CCDC60: variants seen among roughly 807,000 people sequenced by gnomAD.
The protein encoded by CCDC60 is coiled-coil domain containing 60.
In CCDC60, 54 loss-of-function variants were observed where a neutral mutation model predicts 63.5. The ratio of observed to expected loss-of-function variants is 0.85; its 90% CI spans 0.68 to 1.07. CCDC60 has a LOEUF of 1.07. CCDC60 is among the 50% of genes least tolerant of loss of function. CCDC60 has a pLI of 0.00. For missense variants in CCDC60, 651 were observed against 684.3 expected (o/e 0.95, Z 0.54); for synonymous variants, 206 against 238.8 (o/e 0.86, Z 1.27).
intron 1 of CCDC60, among the ~76,000 whole-genome samples, chr12:119,375,654 A>G (rs971040176): frequency 6.6e-6 from 1 of 152,228 alleles, no homozygotes; most frequent in African/African-American, 2.4e-5. Context: ...TCAGGGACTG[A>G]GAGACCAGAG....
chr12:119,490,918 T>A (rs1439125647), intron 5 of CCDC60, among the ~76,000 whole-genome samples: 1 of 152,246 alleles, frequency 6.6e-6, no homozygotes, highest in East Asian at 1.9e-4. Context: ...TTTATGCTTA[T>A]GGAAATCTTT....
chr12:119,469,868 G>C (rs371610369), intron 2 of CCDC60, among the ~76,000 whole-genome samples: 26 of 152,206 alleles, frequency 1.7e-4, no homozygotes, highest in African/African-American at 6.0e-4. Flanking sequence ...AATTGATCTA[G>C]CATATAACAG....
intron 7 of CCDC60, 92 bp from the exon 8 acceptor site, chr12:119,516,531 G>A: frequency 1.3e-6 from 1 of 785,698 alleles, no homozygotes; most frequent in East Asian, 2.5e-5. Flanking sequence ...AGGAGCAGAG[G>A]TGACCCCAGT....
At chr12:119,539,985 G>A (rs1953111650) in intron 13 of CCDC60, among the ~76,000 whole-genome samples, 1 of 152,162 alleles carries the variant, frequency 6.6e-6, no homozygotes, top group African/African-American at 2.4e-5. Flanking sequence ...ACCCCACCCT[G>A]CTTCAGCTTG....
chr12:119,520,075 C>T, intron 8 of CCDC60, 46 bp from the exon 9 acceptor site: 1 of 1,562,368 alleles, frequency 6.4e-7, no homozygotes, highest in South Asian at 1.1e-5. Flanking sequence ...TGCACAAAAT[C>T]TTCATGAATT....
chr12:119,522,898 G>A (rs1425398803), intron 9 of CCDC60, 41 bp from the exon 10 acceptor site: 1 of 1,603,600 alleles, frequency 6.2e-7, no homozygotes, highest in East Asian at 2.2e-5. Flanking sequence ...TTCTTGAAAA[G>A]CAGACTCTGA....
At chr12:119,462,791 CATTTATTTATTTATTTATTT>C (rs61602899) in intron 2 of CCDC60, among the ~76,000 whole-genome samples, 39 of 140,882 alleles carry the variant, frequency 2.8e-4, no homozygotes, top group South Asian at 7.2e-4. Context: ...CAACTAACTT[CATTTATTTATTTATTTATTT>C]ATTTATTTAT....
intron 1 of CCDC60, among the ~76,000 whole-genome samples, chr12:119,344,871 A>T (rs935447569): frequency 9.3e-5 from 14 of 150,254 alleles, no homozygotes; most frequent in East Asian, 5.9e-4. Context: ...ACACACACAC[A>T]CACACACACA....
chr12:119,381,048 C>G (rs570017361), intron 1 of CCDC60, among the ~76,000 whole-genome samples: 1 of 152,272 alleles, frequency 6.6e-6, no homozygotes, highest in East Asian at 1.9e-4. Flanking sequence ...GGAACACAGA[C>G]GTACCCTAGA....
At chr12:119,354,234 A>T (rs974641639) in intron 1 of CCDC60, among the ~76,000 whole-genome samples, 27 of 152,286 alleles carry the variant, frequency 1.8e-4, no homozygotes, top group Admixed American at 1.4e-3. Flanking sequence ...TAAAAAGTGA[A>T]CAGAAAAACC....
intron 2 of CCDC60, among the ~76,000 whole-genome samples, chr12:119,443,677 G>A (rs1950487185): frequency 6.6e-6 from 1 of 152,156 alleles, no homozygotes; most frequent in Admixed American, 6.5e-5. Context: ...CTATTCCAAA[G>A]TGTATGAAAA....
Position 119,456,060 on chromosome 12 carries a change from A to AAAGAAAGCAAGC in CCDC60, c.171-15931_171-15930insAAAGCAAGCAAG, listed in dbSNP as rs1224088473. Among the ~76,000 whole-genome samples the AAAGAAAGCAAGC allele has an allele frequency of 8.1e-3, 957 of 118,642 alleles. 17 individuals carry two copies. The highest frequency in any genetic ancestry group is 0.024 in the African/African-American group (763 of 31,286). The allele number at this position is 118,642 out of a possible 152,430, so 77.8% of individuals were successfully genotyped here. A position where few individuals can be genotyped will look rare whatever the true frequency, so the allele number is the denominator to read the frequency against. On this transcript the variant is annotated intron_variant, in intron 2 of 13. Transcript: ENST00000327554. The surrounding 1 kb of genome is among the most constrained non-coding windows in gnomAD (Gnocchi z 4.6). ...GAAAGAAAGAAAGAAAGAAAGAAAG[A>AAAGAAAGCAAGC]AAGCAAGCAAGCATGTGCAATTTCA...
chr12:119,415,294 G>A (rs778974430), intron 1 of CCDC60, among the ~76,000 whole-genome samples: 10 of 152,208 alleles, frequency 6.6e-5, no homozygotes, highest in Non-Finnish European at 1.0e-4. Context: ...AAAGTGAACT[G>A]ATAGCACAAA....
chr12:119,505,061 T>C lies in CCDC60; in HGVS notation c.649-8T>C, dbSNP rs937642541. 6.3e-7 allele frequency: 1 copy of C among 1,577,564 alleles called. No homozygotes were observed. Among genetic ancestry groups the C allele is most frequent in the African/African-American group, 1.4e-5 (1 of 73,806 alleles). Reference sequence around the variant, plus strand: ...TCCTGAAACCTCTCTTTCTTCTCTTTCCTTTAGACCAAGAAATTCAAAATT... The same window carrying C: ...TCCTGAAACCTCTCTTTCTTCTCTTCCCTTTAGACCAAGAAATTCAAAATT... On this transcript the variant is annotated splice_polypyrimidine_tract_variant and splice_region_variant and intron_variant, in intron 6 of 13. Transcript: ENST00000327554.
chr12:119,411,753 C>A (rs1956605702), intron 1 of CCDC60, among the ~76,000 whole-genome samples: 1 of 151,966 alleles, frequency 6.6e-6, no homozygotes, highest in South Asian at 2.1e-4. Flanking sequence ...TGTTTCTGAG[C>A]CTGTTCCCAT....
Position 119,509,865 on chromosome 12 carries a change from C to G in CCDC60, c.883+4562C>G, listed in dbSNP as rs147015507. Among the ~76,000 whole-genome samples, 24 of 152,270 alleles carry G rather than the reference C, an allele frequency of 1.6e-4. No individual in the cohort carries two copies. The East Asian group carries it at 4.2e-3, about 27-fold the overall frequency. ...TGAGTGATGAAGACATAATTTGAACCCAGGAAATCTGGCCCTCAAGTCAGA... is the reference window on the plus strand; with the variant it reads ...TGAGTGATGAAGACATAATTTGAACGCAGGAAATCTGGCCCTCAAGTCAGA... On this transcript the variant is annotated intron_variant, in intron 7 of 13. Coordinates refer to ENST00000327554, the MANE Select transcript of CCDC60 (RefSeq NM_178499.5).
At chr12:119,431,025 A>G (rs1361743929) in intron 2 of CCDC60, among the ~76,000 whole-genome samples, 1 of 152,222 alleles carries the variant, frequency 6.6e-6, no homozygotes, top group Non-Finnish European at 1.5e-5. Flanking sequence ...TTGAGGGCCT[A>G]GAGCCACAAG....
intron 1 of CCDC60, among the ~76,000 whole-genome samples, chr12:119,347,167 A>C (rs1955605926): frequency 4.6e-5 from 7 of 152,118 alleles, no homozygotes; most frequent in Admixed American, 4.6e-4. Context: ...AAGATGTATA[A>C]GCCATTTCTA....
rs1566019476 is a variant in CCDC60 at position 119,456,033 on chromosome 12, AAG to A, written c.171-15959_171-15958del. 4.2e-5 allele frequency among the ~76,000 whole-genome samples: 6 copies of A among 142,822 alleles called. No individual in the cohort carries two copies. The highest frequency in any genetic ancestry group is 7.9e-5 in the African/African-American group (3 of 37,872). 93.7% of individuals were successfully genotyped at this position (142,822 alleles called of 152,430 possible). A position where few individuals can be genotyped will look rare whatever the true frequency, so the allele number is the denominator to read the frequency against. On this transcript the variant is annotated intron_variant, in intron 2 of 13. Coordinates refer to ENST00000327554, the MANE Select transcript of CCDC60 (RefSeq NM_178499.5). The surrounding 1 kb of genome is among the most constrained non-coding windows in gnomAD (Gnocchi z 4.6). ...AAAGAAAGAAAGAAAGAAAGAAAGA[AAG>A]AAAGAAAGAAAGAAAGAAAGAAAGA...
Sources: gnomAD v4.1 joint callset for allele counts (sites outside exome capture counted in the v4.1 genomes callset) on GRCh38, gnomAD v4.1.1 for gene constraint, Gnocchi (gnomAD v3.1) non-coding constraint, MANE v1.5 for transcripts, NCBI Gene and HGNC (gene_info 2026-07-23, HGNC 2026-07-21) for gene names.